The following ANGPT2 variants were observed in gnomAD, a reference collection of about 807,000 sequenced individuals.
ANGPT2 encodes angiopoietin-2.
In ANGPT2, 28 loss-of-function variants were observed where a neutral mutation model predicts 62.9. The ratio of observed to expected loss-of-function variants is 0.44; its 90% CI spans 0.33 to 0.61. ANGPT2 has a LOEUF of 0.61. ANGPT2 is among the 20% of genes least tolerant of loss of function. ANGPT2 has a pLI of 0.03. For synonymous variants in ANGPT2, 284 were observed against 207.8 expected, an observed-to-expected ratio of 1.37 and a Z score of -3.15; for missense variants, 727 against 594.9, an observed-to-expected ratio of 1.22 and a Z score of -2.31.
At chr8:6,547,049 C>T (rs948351866) in intron 1 of ANGPT2, among the ~76,000 whole-genome samples, 4 of 152,000 alleles carry the variant, frequency 2.6e-5, no homozygotes, top group African/African-American at 9.7e-5. Context: ...GCACGTGTTC[C>T]GTGTGTACCG....
At chr8:6,513,491 C>A (rs1815611579) in intron 7 of ANGPT2, among the ~76,000 whole-genome samples, 187 bp downstream of exon 7, 1 of 152,084 alleles carries the variant, frequency 6.6e-6, no homozygotes, top group South Asian at 2.1e-4. Flanking sequence ...CACCACCACA[C>A]CTGGCTAATT....
At chr8:6,510,022 C>T (rs767643945) in intron 7 of ANGPT2, among the ~76,000 whole-genome samples, 1 of 152,136 alleles carries the variant, frequency 6.6e-6, no homozygotes, top group Non-Finnish European at 1.5e-5. Context: ...CACCTTCACA[C>T]CATCGTAAAG....
In ANGPT2 at chr8:6,519,909, A is replaced by G. The variant is rs144222266; in HGVS notation, c.882T>C (p.Asn294=). Residue 294 remains asparagine, a synonymous_variant, in exon 5 of 9, where the codon AAT becomes AAC. Transcript: ENST00000629816. ...TAGGGAATGTTAACGTGTAGATGCC[A>G]TTCGTGGTGTGTCCTGATTTGAATA... ...AEVFKSGHTT[N]GIYTLTFPNS... 3.5e-4 allele frequency: 566 copies of G among 1,613,228 alleles called. 4 individuals are homozygous for G. The highest frequency in any genetic ancestry group is 3.3e-3 in the Middle Eastern group (20 of 6,056).
chr8:6,553,251 C>G (rs1374292049), intron 1 of ANGPT2, among the ~76,000 whole-genome samples: 1 of 152,058 alleles, frequency 6.6e-6, no homozygotes, highest in Non-Finnish European at 1.5e-5. Context: ...GGCTGTGAAC[C>G]TAAAACTGCT....
At chr8:6,542,536 C>A (rs748819412) in intron 1 of ANGPT2, among the ~76,000 whole-genome samples, 14 of 151,978 alleles carry the variant, frequency 9.2e-5, no homozygotes, top group Admixed American at 2.6e-4. Flanking sequence ...CTAACTTAAA[C>A]CCTGGTCTCC....
At chr8:6,503,800 G>A (rs2959793) in intron 8 of ANGPT2, among the ~76,000 whole-genome samples, 49,943 of 152,080 alleles carry the variant, frequency 0.33, 8,559 homozygotes, top group Middle Eastern at 0.46. Context: ...GTGTGTGCTC[G>A]CTCAGCTAAA....
At chr8:6,539,019 A>G (rs989211413) in intron 1 of ANGPT2, among the ~76,000 whole-genome samples, 2 of 120,256 alleles carry the variant, frequency 1.7e-5, no homozygotes, top group Admixed American at 9.0e-5. Flanking sequence ...CCCTCCTTTT[A>G]GAGTTGGGCT....
intron 3 of ANGPT2, among the ~76,000 whole-genome samples, chr8:6,525,639 T>C (rs915410445): frequency 2.0e-5 from 3 of 152,062 alleles, no homozygotes; most frequent in Admixed American, 6.5e-5. Context: ...TGTAATGATA[T>C]ACTTGCAAAT....
chr8:6,511,985 C>T (rs147315191), intron 7 of ANGPT2, among the ~76,000 whole-genome samples: 3 of 151,342 alleles, frequency 2.0e-5, no homozygotes, highest in East Asian at 1.9e-4. Flanking sequence ...AAAACACTGA[C>T]CAACCACTTG....
At chr8:6,512,368 G>T (rs533892029) in intron 7 of ANGPT2, among the ~76,000 whole-genome samples, 2 of 152,178 alleles carry the variant, frequency 1.3e-5, no homozygotes, top group South Asian at 4.1e-4. Flanking sequence ...TGTTCAGGTC[G>T]TGGAGCGGAG....
intron 8 of ANGPT2, chr8:6,507,675 C>G (rs1410199475): frequency 6.8e-6 from 1 of 146,758 alleles, no homozygotes; most frequent in East Asian, 2.1e-4. Flanking sequence ...CTCCCAGGTT[C>G]AAGCCATTCT....
chr8:6,526,032 T>A (rs1818260531), intron 3 of ANGPT2, among the ~76,000 whole-genome samples: 1 of 152,132 alleles, frequency 6.6e-6, no homozygotes, highest in Admixed American at 6.6e-5. Flanking sequence ...CGGACATCAT[T>A]GTATAACAGG....
intron 7 of ANGPT2, among the ~76,000 whole-genome samples, chr8:6,512,814 A>G (rs1196394912): frequency 1.3e-5 from 2 of 152,244 alleles, no homozygotes; most frequent in African/African-American, 2.4e-5. Context: ...ATGGGTGAGG[A>G]CAAGGTAAAC....
chr8:6,508,716 T>A, intron 8 of ANGPT2: 3 of 655,412 alleles, frequency 4.6e-6, no homozygotes, highest in Non-Finnish European at 7.8e-6. Context: ...GGAGACACAG[T>A]TGGCTTGCTG....
At chr8:6,560,584 G>A (rs1446947647) in intron 1 of ANGPT2, among the ~76,000 whole-genome samples, 3 of 152,106 alleles carry the variant, frequency 2.0e-5, no homozygotes, top group Admixed American at 6.5e-5. Flanking sequence ...GAACAGGTGT[G>A]GAGCCCGTGA....
At chr8:6,558,900 A>G (rs752592619) in intron 1 of ANGPT2, among the ~76,000 whole-genome samples, 2 of 152,150 alleles carry the variant, frequency 1.3e-5, no homozygotes, top group East Asian at 1.9e-4. Flanking sequence ...ATACATATAC[A>G]TATCGCATAA....
Position 6,501,059 on chromosome 8 carries a change from G to T in ANGPT2, c.*2042C>A, listed in dbSNP as rs531391491. On this transcript the variant is annotated 3_prime_UTR_variant, in exon 9 of 9. Coordinates refer to ENST00000629816, the MANE Select transcript of ANGPT2 (RefSeq NM_001118887.2). ...CAACTTGATACAAGGCCATGATACC[G>T]TTGTTGAATTCATAAAACCTTCTTA... 6.6e-6 allele frequency: 1 copy of T among 152,164 alleles called. No homozygotes were observed. The highest frequency in any genetic ancestry group is 1.5e-5 in the Non-Finnish European group (1 of 68,042). The allele number at this position is 152,164 out of a possible 1,614,324, so 9.4% of individuals were successfully genotyped here. A position where few individuals can be genotyped will look rare whatever the true frequency, so the allele number is the denominator to read the frequency against.
At chr8:6,522,319 C>T (rs915185461) in intron 3 of ANGPT2, among the ~76,000 whole-genome samples, 10 of 151,756 alleles carry the variant, frequency 6.6e-5, no homozygotes, top group Non-Finnish European at 1.0e-4. Context: ...CATGCCACTG[C>T]ACTCCAGCCT....
chr8:6,544,401 G>C (rs985608108), intron 1 of ANGPT2, among the ~76,000 whole-genome samples: 1 of 152,176 alleles, frequency 6.6e-6, no homozygotes, highest in African/African-American at 2.4e-5. Context: ...TTATGACTTT[G>C]GGCAAATCAC....
Sources: gnomAD v4.1 joint callset for allele counts (sites outside exome capture counted in the v4.1 genomes callset) on GRCh38, gnomAD v4.1.1 for gene constraint, MANE v1.5 for transcripts, NCBI Gene and HGNC (gene_info 2026-07-23, HGNC 2026-07-21) for gene names.